The following ANK2 variants were observed in gnomAD, a reference collection of about 807,000 sequenced individuals.
ANK2 encodes ankyrin 2.
ANK2 carries 83 observed loss-of-function variants against 360.5 expected under a neutral mutation model. That is an observed-to-expected ratio of 0.23 (90% CI 0.19 to 0.28). The LOEUF (loss-of-function observed/expected upper bound fraction) is 0.28, where lower values mean the gene tolerates loss of function less well. ANK2 is among the 10% of genes least tolerant of loss of function. The pLI, the probability that ANK2 is intolerant of heterozygous loss-of-function variation, is 1.00. For synonymous variants in ANK2, 1,740 were observed against 1,759.5 expected, an observed-to-expected ratio of 0.99 and a Z score of 0.28; for missense variants, 4,201 against 4,795.7, an observed-to-expected ratio of 0.88 and a Z score of 3.66.
chr4:113,056,855 C>T (rs2070212646), intron 1 of ANK2, among the ~76,000 whole-genome samples: 1 of 152,140 alleles, frequency 6.6e-6, no homozygotes, highest in Non-Finnish European at 1.5e-5. Context: ...GGTTTTTATT[C>T]ATGTTTTTCT....
chr4:113,172,309 C>T (rs759276361), intron 1 of ANK2, among the ~76,000 whole-genome samples: 1 of 152,126 alleles, frequency 6.6e-6, no homozygotes, highest in Non-Finnish European at 1.5e-5. Flanking sequence ...GTGAAATAAA[C>T]CTAGAGCTCA....
chr4:113,367,715 G>A lies in ANK2; in HGVS notation c.11182G>A (p.Val3728Ile), dbSNP rs773907372. The change falls in exon 42 of 46, where the codon GTC becomes ATC. Residue 3728 changes from valine to isoleucine, a missense_variant. Physicochemically the swap from Val to Ile is conservative, Grantham distance 29. Coordinates refer to ENST00000357077, the MANE Select transcript of ANK2 (RefSeq NM_001148.6). The part of the protein sequence containing the change: ...SVGYSTFQDG[V>I]PKTEGDSSAT... Reference sequence around the variant, plus strand: ...TGGTTATTCCACTTTTCAGGATGGCGTCCCCAAAACTGAGGGGGACAGCTC... The same window carrying A: ...TGGTTATTCCACTTTTCAGGATGGCATCCCCAAAACTGAGGGGGACAGCTC... 31 of 1,613,166 alleles carry A rather than the reference G, an allele frequency of 1.9e-5. No homozygotes were observed. Among genetic ancestry groups the A allele is most frequent in the East Asian group, 8.9e-5 (4 of 44,818 alleles).
intron 1 of ANK2, among the ~76,000 whole-genome samples, chr4:113,092,863 T>C (rs2089194396): frequency 1.3e-5 from 2 of 152,112 alleles, no homozygotes; most frequent in South Asian, 4.1e-4. Context: ...ACATGACAAG[T>C]GGAATTAGAA....
At chr4:113,287,742 C>A in intron 19 of ANK2, 39 bp downstream of exon 19, 1 of 1,544,532 alleles carries the variant, frequency 6.5e-7, no homozygotes, top group Non-Finnish European at 8.9e-7. Flanking sequence ...CAGGTTCTGG[C>A]TGGGATGATT....
intron 30 of ANK2, 158 bp downstream of exon 30, chr4:113,336,215 C>T: frequency 1.3e-6 from 1 of 758,766 alleles, no homozygotes; most frequent in East Asian, 2.8e-5. Flanking sequence ...TTATTGGTTA[C>T]TAATCTATTT....
At chr4:112,964,591 G>T (rs1459464997) in intron 2 of ANK2, among the ~76,000 whole-genome samples, 3 of 139,318 alleles carry the variant, frequency 2.2e-5, no homozygotes, top group African/African-American at 8.0e-5. Context: ...TTTTTTTTGA[G>T]ACAGAGTCTC....
At chr4:113,346,410 T>G (rs1466830166) in intron 35 of ANK2, among the ~76,000 whole-genome samples, 1 of 152,194 alleles carries the variant, frequency 6.6e-6, no homozygotes, top group Non-Finnish European at 1.5e-5. Flanking sequence ...ACTCGTGCAT[T>G]TGGCCCTATG....
chr4:112,830,285 G>A (rs1280353351), intron 1 of ANK2, among the ~76,000 whole-genome samples: 5 of 152,200 alleles, frequency 3.3e-5, no homozygotes, highest in African/African-American at 7.2e-5. Flanking sequence ...TAAATAAAAT[G>A]TGGTACATAC....
the ANK2 span, among the ~76,000 whole-genome samples, chr4:112,742,169 C>T: frequency 3.3e-5 from 5 of 152,052 alleles, no homozygotes; most frequent in Non-Finnish European, 7.4e-5. Flanking sequence ...TAAGTCCCAG[C>T]TACTTGGGAG....
rs77042402 is a variant in ANK2, at chr4:113,257,935, A to C, written c.1189-115A>C. 1,487 of 1,044,982 alleles carry C rather than the reference A, an allele frequency of 1.4e-3. 24 individuals carry two copies. The East Asian group carries it at 0.035, about 25-fold the overall frequency. The allele number at this position is 1,044,982 out of a possible 1,614,324, so 64.7% of individuals were successfully genotyped here. ...CAAATTCCAACACCTGCAGGGATTG[A>C]AGAAATGGTAACATTATGTGACGAT... On this transcript the variant is annotated intron_variant, in intron 11 of 45. Coordinates refer to ENST00000357077, the MANE Select transcript of ANK2 (RefSeq NM_001148.6).
chr4:113,373,129 G>A lies in ANK2; in HGVS notation c.11650G>A (p.Glu3884Lys), dbSNP rs202183785. 1.1e-5 allele frequency: 17 copies of A among 1,614,072 alleles called. No individual in the cohort carries two copies. The East Asian group carries it at 3.8e-4, about 36-fold the overall frequency. ...MPEIPPETVT[E>K]EEYIDEHGHT... ...TGAAATACCCCCAGAAACAGTCACA[G>A]AAGAAGAATACATTGATGAGCATGG... is the stretch of plus-strand genomic sequence containing the variant. Residue 3884 changes from glutamate (E) to lysine (K), a missense_variant, in exon 44 of 46, where the codon GAA becomes AAA. Coordinates refer to ENST00000357077, the MANE Select transcript of ANK2 (RefSeq NM_001148.6).
the ANK2 span, among the ~76,000 whole-genome samples, chr4:112,716,119 G>C: frequency 5.3e-5 from 8 of 152,154 alleles, no homozygotes; most frequent in African/African-American, 1.7e-4. Flanking sequence ...AGACACGGAA[G>C]TCAGAAATGA....
At chr4:113,061,550 C>A (rs1166052258) in intron 1 of ANK2, among the ~76,000 whole-genome samples, 3 of 151,908 alleles carry the variant, frequency 2.0e-5, no homozygotes, top group Admixed American at 6.6e-5. Context: ...ATAACAACAT[C>A]AATAATTTAA....
chr4:112,885,581 G>A (rs1039719026), intron 1 of ANK2, among the ~76,000 whole-genome samples: 1 of 151,602 alleles, frequency 6.6e-6, no homozygotes, highest in African/African-American at 2.4e-5. Flanking sequence ...CAGATCACGA[G>A]GTCAGGAGAT....
chr4:112,957,532 C>T (rs1284306291), intron 2 of ANK2, among the ~76,000 whole-genome samples: 1 of 152,162 alleles, frequency 6.6e-6, no homozygotes, highest in South Asian at 2.1e-4. Context: ...CTGTTGGGTA[C>T]ACCTCCCAGA....
the ANK2 span, among the ~76,000 whole-genome samples, chr4:112,709,460 T>C: frequency 1.3e-5 from 2 of 152,148 alleles, no homozygotes; most frequent in Admixed American, 1.3e-4. Flanking sequence ...ATATAAGATA[T>C]ATTGAAGGCC....
chr4:113,205,113 G>T (rs2153429416), intron 4 of ANK2, among the ~76,000 whole-genome samples: 1 of 151,646 alleles, frequency 6.6e-6, no homozygotes, highest in African/African-American at 2.4e-5. Flanking sequence ...GCGGGCTCCT[G>T]TAGTCCCAGC....
chr4:113,305,942 A>G (rs1295303304), intron 23 of ANK2, among the ~76,000 whole-genome samples: 2 of 152,232 alleles, frequency 1.3e-5, no homozygotes, highest in Non-Finnish European at 2.9e-5. Context: ...TCAAGATAAA[A>G]TCATAAGGTA....
At chr4:113,376,467 G>C (rs2154080763) in intron 45 of ANK2, among the ~76,000 whole-genome samples, 1 of 152,332 alleles carries the variant, frequency 6.6e-6, no homozygotes, top group South Asian at 2.1e-4. Flanking sequence ...CAGTGAGTGA[G>C]TGGTGAGAGA....
Sources: allele counts gnomAD v4.1 joint callset (sites outside exome capture counted in the v4.1 genomes callset), GRCh38; gene constraint gnomAD v4.1.1; transcripts MANE v1.5; gene names NCBI Gene and HGNC (gene_info 2026-07-23, HGNC 2026-07-21).